Variants in PAX9 observed in about 807,000 individuals in gnomAD.
PAX9 encodes paired box protein Pax-9.
Under a neutral mutation model 29.1 loss-of-function variants are expected in PAX9, and 6 were observed. The observed-to-expected ratio is 0.21, with a 90% confidence interval of 0.11 to 0.41. The LOEUF is 0.41. Among genes scored for constraint, PAX9 ranks in the 10% least tolerant of loss-of-function variants. The pLI is 1.00. For missense variants in PAX9, 443 were observed against 479.1 expected (o/e 0.92, Z 0.70); for synonymous variants, 217 against 211.7 (o/e 1.03, Z -0.22).
chr14:36,674,063 A>G (rs910686589), intron 3 of PAX9, among the ~76,000 whole-genome samples: 1 of 152,240 alleles, frequency 6.6e-6, no homozygotes, highest in African/African-American at 2.4e-5. Flanking sequence ...CTAAATAAAA[A>G]TGATTAAAAC....
Position 36,676,464 on chromosome 14 carries a change from G to T in PAX9, c.*12G>T, listed in dbSNP as rs188638197. ...CTTCCGCGCTCTGATGGGAAATTCC[G>T]TCTCCAGCAGCTTCACCCGGGTCTC... On this transcript the variant is annotated 3_prime_UTR_variant, in exon 4 of 4. Coordinates refer to ENST00000361487, the MANE Select transcript of PAX9 (RefSeq NM_001372076.1). 806 of 1,610,786 alleles carry T rather than the reference G, an allele frequency of 5.0e-4. 2 individuals are homozygous for T. In the African/African-American group the frequency reaches 7.3e-3, roughly 15 times the overall value.
intron 3 of PAX9, among the ~76,000 whole-genome samples, chr14:36,672,772 A>C (rs1288843643): frequency 2.0e-5 from 3 of 149,324 alleles, no homozygotes; most frequent in Non-Finnish European, 4.4e-5. Flanking sequence ...TTTAAGTTTA[A>C]AGATTTATGT....
At chr14:36,674,513 T>G (rs1045295880) in intron 3 of PAX9, among the ~76,000 whole-genome samples, 1 of 152,194 alleles carries the variant, frequency 6.6e-6, no homozygotes, top group African/African-American at 2.4e-5. Context: ...TGTGCGGTAG[T>G]TTCTTGATTT....
At chr14:36,672,817 C>A (rs1161893521) in intron 3 of PAX9, among the ~76,000 whole-genome samples, 1 of 109,594 alleles carries the variant, frequency 9.1e-6, no homozygotes, top group South Asian at 3.4e-4. Context: ...TTTAGCCTCT[C>A]CTTGCCTTTT....
At chr14:36,667,097 CT>C (rs1881534006) in intron 3 of PAX9, among the ~76,000 whole-genome samples, 1 of 152,200 alleles carries the variant, frequency 6.6e-6, no homozygotes, top group South Asian at 2.1e-4. Flanking sequence ...CACGTTCGGA[CT>C]TTCTCTCCGG....
chr14:36,664,388 A>G (rs1285935480), intron 2 of PAX9, among the ~76,000 whole-genome samples: 2 of 152,012 alleles, frequency 1.3e-5, no homozygotes, highest in Admixed American at 6.6e-5. Context: ...CCGAGAATGC[A>G]AGTGGATATC....
In PAX9 at chr14:36,663,424, G is replaced by A. The variant is rs1327319164; in HGVS notation, c.532G>A (p.Gly178Arg). 1 of 1,612,932 alleles carries A rather than the reference G, an allele frequency of 6.2e-7. No homozygotes were observed. The highest frequency in any genetic ancestry group is 8.5e-7 in the Non-Finnish European group (1 of 1,179,692). ...GGCCGCCAAGGTGCCCACGCCACCC[G>A]GGGTGCCTGCCATCCCCGGTTCGGT... The part of the protein sequence containing the change: ...AAAAKVPTPP[G>R]VPAIPGSVAM... The change falls in exon 2 of 4, where the codon GGG (glycine) becomes AGG (arginine). Residue 178 changes from glycine to arginine, a missense_variant. Gly to Arg is a moderately radical substitution (Grantham distance 125). Coordinates refer to ENST00000361487, the MANE Select transcript of PAX9 (RefSeq NM_001372076.1).
intron 3 of PAX9, among the ~76,000 whole-genome samples, chr14:36,668,862 A>G (rs1881604409): frequency 6.6e-6 from 1 of 152,152 alleles, no homozygotes. Context: ...TATATACTAA[A>G]TTTTAAATCA....
intron 2 of PAX9, among the ~76,000 whole-genome samples, chr14:36,665,304 T>C (rs550773221): frequency 6.6e-6 from 1 of 152,332 alleles, no homozygotes; most frequent in African/African-American, 2.4e-5. Context: ...TCAGATATTA[T>C]TGTGATTTTG....
Position 36,676,382 on chromosome 14 carries a change from C to T in PAX9, c.956C>T (p.Ala319Val), listed in dbSNP as rs1460911849. 13 of 1,614,142 alleles carry T rather than the reference C, an allele frequency of 8.1e-6. No homozygotes were observed. Among genetic ancestry groups the T allele is most frequent in the Non-Finnish European group, 1.1e-5 (13 of 1,180,014 alleles). Residue 319 changes from alanine to valine, a missense_variant, in exon 4 of 4, where the codon GCA (alanine) becomes GTA (valine). Physicochemically the swap from Ala to Val is moderately conservative, Grantham distance 64. Around this residue, in one of 2 missense-constraint regions of PAX9, gnomAD observed 336 missense variants for 317.2 expected, o/e 1.06. Coordinates refer to ENST00000361487, the MANE Select transcript of PAX9 (RefSeq NM_001372076.1). ...TCTCCCCACAACTGTGACATTCCGG[C>T]ATCGCTGGCGTTCAAGGGAATGCAG... is the stretch of plus-strand genomic sequence containing the variant. ...SLSPHNCDIPASLAFKGMQAA... is the reference protein window; with the variant it reads ...SLSPHNCDIPVSLAFKGMQAA...
At chr14:36,660,361 C>G (rs1363805018), upstream of PAX9, among the ~76,000 whole-genome samples, 1 of 152,164 alleles carries the variant, frequency 6.6e-6, no homozygotes, top group Non-Finnish European at 1.5e-5. Flanking sequence ...GGGACAAGTT[C>G]AAGTATGTCT....
At chr14:36,672,244 A>C (rs2139118640) in intron 3 of PAX9, 1 of 152,346 alleles carries the variant, frequency 6.6e-6, no homozygotes, top group African/African-American at 2.4e-5. Flanking sequence ...CCAATTAAAT[A>C]GAGTAATTTA....
intron 3 of PAX9, among the ~76,000 whole-genome samples, chr14:36,669,908 C>G (rs1260184467): frequency 6.6e-6 from 1 of 151,974 alleles, no homozygotes; most frequent in Non-Finnish European, 1.5e-5. Context: ...AATATTGGGG[C>G]TAGAAGTACT....
chr14:36,662,434 AAAAC>A, intron 1 of PAX9: 3 of 416,448 alleles, frequency 7.2e-6, no homozygotes, highest in Non-Finnish European at 1.3e-5. Flanking sequence ...AAAAGAAAAG[AAAAC>A]AAACAACAAC....
At chr14:36,659,923 G>A (rs555408420), upstream of PAX9, among the ~76,000 whole-genome samples, 1 of 152,306 alleles carries the variant, frequency 6.6e-6, no homozygotes, top group Admixed American at 6.5e-5. Flanking sequence ...CGGGACATGA[G>A]GTCTTGCCTG....
In PAX9 at chr14:36,676,926, T is replaced by C. The variant is rs528475626; in HGVS notation, c.*474T>C. On this transcript the variant is annotated 3_prime_UTR_variant, in exon 4 of 4. Coordinates refer to ENST00000361487, the MANE Select transcript of PAX9 (RefSeq NM_001372076.1). ...CCTCTAATCAAATATGGTAACCAAG[T>C]AAGCTTTAATTCATCATTAGGAAAC... 2.7e-5 allele frequency: 5 copies of C among 182,178 alleles called. No individual in the cohort carries two copies. The highest frequency in any genetic ancestry group is 9.5e-5 in the African/African-American group (4 of 42,204). 11.3% of individuals were successfully genotyped at this position (182,178 alleles called of 1,614,324 possible). A position where few individuals can be genotyped will look rare whatever the true frequency, so the allele number is the denominator to read the frequency against.
In PAX9 at chr14:36,661,915, G is replaced by C. The variant is rs144429269; in HGVS notation, c.-175G>C. The C allele has an allele frequency of 3.2e-3, 2,438 of 753,262 alleles. 11 individuals carry two copies. The highest frequency in any genetic ancestry group is 4.8e-3 in the Admixed American group (225 of 46,558). The allele number at this position is 753,262 out of a possible 1,614,324, so 46.7% of individuals were successfully genotyped here. ...ATGCAGAACTCAAGCCTCTTTCATC[G>C]GGGCACAGACTTCCTTTTACTTCTT... On this transcript the variant is annotated 5_prime_UTR_variant, in exon 1 of 4. Transcript: ENST00000361487.
intron 2 of PAX9, among the ~76,000 whole-genome samples, chr14:36,665,447 C>T (rs866620923): frequency 1.6e-4 from 25 of 152,184 alleles, no homozygotes; most frequent in African/African-American, 5.8e-4. Flanking sequence ...ATGGCTTTGC[C>T]AAACCACTCC....
rs778384288 is a variant in PAX9, at chr14:36,662,904, C to T, written c.12C>T (p.Ala4=). The T allele has an allele frequency of 8.1e-6, 13 of 1,611,634 alleles. No homozygotes were observed. In the South Asian group the frequency reaches 1.2e-4, roughly 15 times the overall value. Residue 4 remains alanine, a synonymous_variant, in exon 2 of 4, where the codon GCC becomes GCT. Transcript: ENST00000361487. ...TGTGTGTTCATTTTGCAGAGCCAGC[C>T]TTCGGGGAGGTGAACCAGCTGGGAG... The part of the protein sequence containing the change: MEP[A]FGEVNQLGGV...
Sources: gnomAD v4.1 joint callset for allele counts (sites outside exome capture counted in the v4.1 genomes callset) on GRCh38, gnomAD v4.1.1 for gene constraint, gnomAD v4.1.1 regional missense constraint, MANE v1.5 for transcripts, NCBI Gene and HGNC (gene_info 2026-07-23, HGNC 2026-07-21) for gene names.